GADD45GIP1: variants seen among roughly 807,000 people sequenced by gnomAD.
The protein encoded by GADD45GIP1 is GADD45G interacting protein 1.
A neutral mutation model predicts 22.1 loss-of-function variants in GADD45GIP1; 17 were observed. The observed-to-expected ratio is 0.77, with a 90% confidence interval of 0.53 to 1.15. GADD45GIP1 has a LOEUF of 1.15. Ranked by LOEUF, GADD45GIP1 falls within the 50% of genes most tolerant of loss-of-function variation. The pLI, the probability that GADD45GIP1 is intolerant of heterozygous loss-of-function variation, is 0.00. For missense variants in GADD45GIP1, 294 were observed against 314.0 expected, an observed-to-expected ratio of 0.94 and a Z score of 0.48; for synonymous variants, 135 against 138.4, an observed-to-expected ratio of 0.98 and a Z score of 0.17.
At chr19:12,955,524 T>C (rs1971913442) in intron 1 of GADD45GIP1, among the ~76,000 whole-genome samples, 1 of 152,126 alleles carries the variant, frequency 6.6e-6, no homozygotes, top group Non-Finnish European at 1.5e-5. Context: ...ACACTTGACC[T>C]ACCCCCTTCA....
rs574510427 is a variant in GADD45GIP1 at position 12,954,608 on chromosome 19, T to C, written c.351-82A>G. ...CCACCCATATCTCACCCATAGGCCT[T>C]TGCCCACGAGCCTGCCTCCTCAACT... On this transcript the variant is annotated intron_variant, in intron 1 of 1. Coordinates refer to ENST00000316939, the MANE Select transcript of GADD45GIP1 (RefSeq NM_052850.4). 1,366 of 1,199,818 alleles carry C rather than the reference T, an allele frequency of 1.1e-3. 4 individuals are homozygous for C. Among genetic ancestry groups the C allele is most frequent in the Non-Finnish European group, 1.5e-3 (1,294 of 861,418 alleles). The allele number at this position is 1,199,818 out of a possible 1,614,324, so 74.3% of individuals were successfully genotyped here.
chr19:12,953,955 C>T lies in GADD45GIP1; in HGVS notation c.*253G>A, dbSNP rs1252978351. The T allele has an allele frequency of 4.1e-6, 2 of 487,652 alleles. No homozygotes were observed. The highest frequency in any genetic ancestry group is 2.0e-5 in the African/African-American group (1 of 51,066). The allele number at this position is 487,652 out of a possible 1,614,324, so 30.2% of individuals were successfully genotyped here. On this transcript the variant is annotated 3_prime_UTR_variant, in exon 2 of 2. Coordinates refer to ENST00000316939, the MANE Select transcript of GADD45GIP1 (RefSeq NM_052850.4). Reference sequence around the variant, plus strand: ...GGAGATGAATGTTGGTAAACAGAAGCCTTCTTCTCTTCTGCCATCTGCTTC... The same window carrying T: ...GGAGATGAATGTTGGTAAACAGAAGTCTTCTTCTCTTCTGCCATCTGCTTC...
In GADD45GIP1 at chr19:12,954,150, C is replaced by T. The variant is rs140018608; in HGVS notation, c.*58G>A. On this transcript the variant is annotated 3_prime_UTR_variant, in exon 2 of 2. Coordinates refer to ENST00000316939, the MANE Select transcript of GADD45GIP1 (RefSeq NM_052850.4). ...CCCAGAGAGGCACACCTTGAGAGGA[C>T]GCAGATCTCTTCAGGGGTACTGCCA... The T allele has an allele frequency of 7.3e-5, 104 of 1,433,652 alleles. No individual in the cohort carries two copies. The African/African-American group carries it at 1.0e-3, about 14-fold the overall frequency. The allele number at this position is 1,433,652 out of a possible 1,614,324, so 88.8% of individuals were successfully genotyped here. A position where few individuals can be genotyped will look rare whatever the true frequency, so the allele number is the denominator to read the frequency against.
intron 1 of GADD45GIP1, among the ~76,000 whole-genome samples, chr19:12,954,848 A>T (rs1396203890): frequency 6.6e-6 from 1 of 152,190 alleles, no homozygotes; most frequent in East Asian, 1.9e-4. Flanking sequence ...TTTCATAGAC[A>T]TTGCTGAGCA....
In GADD45GIP1 at chr19:12,957,084, C is replaced by T. The variant is rs751379568; in HGVS notation, c.129G>A (p.Glu43=). 6.5e-7 allele frequency: 1 copy of T among 1,531,158 alleles called. No individual in the cohort carries two copies. 94.8% of individuals were successfully genotyped at this position (1,531,158 alleles called of 1,614,324 possible). ...RRPGPRWPDP[E]DLLTPRWQLG... ...GCTGCCACCGCGGGGTCAGGAGGTCCTCGGGGTCTGGCCACCGGGGTCCCG... is the reference window on the plus strand; with the variant it reads ...GCTGCCACCGCGGGGTCAGGAGGTCTTCGGGGTCTGGCCACCGGGGTCCCG... Residue 43 remains glutamate (E), a synonymous_variant, in exon 1 of 2, where the codon GAG becomes GAA. Coordinates refer to ENST00000316939, the MANE Select transcript of GADD45GIP1 (RefSeq NM_052850.4).
At position 12,954,199 on chromosome 19, in the gene GADD45GIP1, G is replaced by A; in HGVS notation, c.*9C>T. 1.9e-6 allele frequency: 3 copies of A among 1,610,100 alleles called. No homozygotes were observed. The highest frequency in any genetic ancestry group is 1.7e-6 in the Non-Finnish European group (2 of 1,177,880). ...CAGGTAGCAGGCTTTATTGGGAAGG[G>A]ACAAAGCCTCAGGAGCTGGGTGCCC... On this transcript the variant is annotated 3_prime_UTR_variant, in exon 2 of 2. Coordinates refer to ENST00000316939, the MANE Select transcript of GADD45GIP1 (RefSeq NM_052850.4).
chr19:12,953,985 T>G lies in GADD45GIP1; in HGVS notation c.*223A>C. 9.5e-6 allele frequency: 5 copies of G among 528,234 alleles called. No homozygotes were observed. The highest frequency in any genetic ancestry group is 1.0e-5 in the Non-Finnish European group (3 of 298,626). 32.7% of individuals were successfully genotyped at this position (528,234 alleles called of 1,614,324 possible). The stretch of plus-strand genomic sequence containing the variant: ...TTCTCTTCTGCCATCTGCTTCTCCA[T>G]TATTTGCCCATTGTACACCCCCCTT... On this transcript the variant is annotated 3_prime_UTR_variant, in exon 2 of 2. Coordinates refer to ENST00000316939, the MANE Select transcript of GADD45GIP1 (RefSeq NM_052850.4).
intron 1 of GADD45GIP1, among the ~76,000 whole-genome samples, chr19:12,955,794 G>C (rs1048998441): frequency 2.6e-5 from 4 of 152,086 alleles, no homozygotes; most frequent in African/African-American, 7.2e-5. Context: ...CTGGGAGGCA[G>C]AGGTTGCAGT....
intron 1 of GADD45GIP1, among the ~76,000 whole-genome samples, chr19:12,954,764 G>A (rs781398173): frequency 1.8e-4 from 28 of 152,190 alleles, no homozygotes; most frequent in Non-Finnish European, 3.5e-4. Context: ...AGGTGCCAAA[G>A]CCAAATCAGC....
intron 1 of GADD45GIP1, 26 bp from the exon 2 acceptor site, chr19:12,954,552 G>C (rs542319530): frequency 1.3e-6 from 2 of 1,584,394 alleles, no homozygotes; most frequent in Non-Finnish European, 1.7e-6. Context: ...AGTGGGCTGT[G>C]ACACTGGCAC....
intron 1 of GADD45GIP1, among the ~76,000 whole-genome samples, chr19:12,956,579 G>A (rs1165504549): frequency 3.3e-5 from 5 of 152,186 alleles, no homozygotes; most frequent in Non-Finnish European, 7.3e-5. Flanking sequence ...GCTTGAACCG[G>A]GGAGGCGGAG....
In GADD45GIP1 at chr19:12,954,512, G is replaced by T. The variant is rs148072118; in HGVS notation, c.365C>A (p.Ala122Glu). 6 of 1,612,866 alleles carry T rather than the reference G, an allele frequency of 3.7e-6. No homozygotes were observed. The highest frequency in any genetic ancestry group is 1.7e-5 in the Admixed American group (1 of 59,950). ...CTGTGGCATCTTGGCCATGCACTCT[G>T]CGATGTGCTGCTCCCTGCAGGGGAG... ...QKRREREQHI[A>E]ECMAKMPQMI... The change falls in exon 2 of 2, where the codon GCA (alanine) becomes GAA (glutamate). Residue 122 changes from alanine to glutamate, a missense_variant. Coordinates refer to ENST00000316939, the MANE Select transcript of GADD45GIP1 (RefSeq NM_052850.4).
At chr19:12,955,783 C>T (rs919138585) in intron 1 of GADD45GIP1, among the ~76,000 whole-genome samples, 2 of 151,996 alleles carry the variant, frequency 1.3e-5, no homozygotes, top group African/African-American at 4.8e-5. Context: ...ATCTCTTGAT[C>T]CTGGGAGGCA....
intron 1 of GADD45GIP1, among the ~76,000 whole-genome samples, chr19:12,956,062 C>A (rs1485346317): frequency 6.6e-6 from 1 of 152,192 alleles, no homozygotes; most frequent in Non-Finnish European, 1.5e-5. Flanking sequence ...ACTTTCTACC[C>A]AAGAGATCGC....
rs767324749 is a variant in GADD45GIP1, at chr19:12,956,962, T to A, written c.251A>T (p.Glu84Val). The change falls in exon 1 of 2, where the codon GAG becomes GTG. Residue 84 changes from glutamate (E) to valine (V), a missense_variant. Coordinates refer to ENST00000316939, the MANE Select transcript of GADD45GIP1 (RefSeq NM_052850.4). ...CCATTCGCGTTCTTCGGCCTCCAGC[T>A]CCCGCAGCTGCTCCGGCGACGGCCA... is the stretch of plus-strand genomic sequence containing the variant. ...SLWPSPEQLR[E>V]LEAEEREWYP... The A allele has an allele frequency of 1.3e-6, 2 of 1,599,020 alleles. No individual in the cohort carries two copies. The highest frequency in any genetic ancestry group is 1.7e-6 in the Non-Finnish European group (2 of 1,179,678).
intron 1 of GADD45GIP1, among the ~76,000 whole-genome samples, chr19:12,956,113 T>C (rs1971921219): frequency 6.6e-6 from 1 of 152,182 alleles, no homozygotes; most frequent in African/African-American, 2.4e-5. Context: ...TGCTTAAACA[T>C]CACCTCCTCA....
intron 1 of GADD45GIP1, 128 bp downstream of exon 1, chr19:12,956,735 G>T: frequency 1.3e-6 from 1 of 740,928 alleles, no homozygotes; most frequent in Non-Finnish European, 2.2e-6. Flanking sequence ...TTGCGGCCAG[G>T]TGAGCGTATA....
chr19:12,955,893 T>A (rs1377700645), intron 1 of GADD45GIP1, among the ~76,000 whole-genome samples: 1 of 152,100 alleles, frequency 6.6e-6, no homozygotes, highest in Non-Finnish European at 1.5e-5. Context: ...ATGCCCCTGG[T>A]CCTTCAGACC....
chr19:12,953,220 G>C lies in GADD45GIP1; in HGVS notation c.*988C>G, dbSNP rs1205682125. Reference sequence around the variant, plus strand: ...TTCCTGTCCTCCTAAAGTGGCCCCTGTTCCCATCTCCCGGGCCAGACAGCT... The same window carrying C: ...TTCCTGTCCTCCTAAAGTGGCCCCTCTTCCCATCTCCCGGGCCAGACAGCT... On this transcript the variant is annotated 3_prime_UTR_variant, in exon 2 of 2. Coordinates refer to ENST00000316939, the MANE Select transcript of GADD45GIP1 (RefSeq NM_052850.4). 6 of 483,650 alleles carry C rather than the reference G, an allele frequency of 1.2e-5. No individual in the cohort carries two copies. Among genetic ancestry groups the C allele is most frequent in the Non-Finnish European group, 2.1e-5 (6 of 284,686 alleles). 30.0% of individuals were successfully genotyped at this position (483,650 alleles called of 1,614,324 possible).
Sources: allele counts gnomAD v4.1 joint callset (sites outside exome capture counted in the v4.1 genomes callset), GRCh38; gene constraint gnomAD v4.1.1; transcripts MANE v1.5; gene names NCBI Gene and HGNC (gene_info 2026-07-23, HGNC 2026-07-21).